GRHL2: variants seen among roughly 807,000 people sequenced by gnomAD.
GRHL2 encodes grainyhead-like protein 2 homolog.
In GRHL2, 21 loss-of-function variants were observed where a neutral mutation model predicts 83.8. The ratio of observed to expected loss-of-function variants is 0.25; its 90% CI spans 0.18 to 0.36. The LOEUF (loss-of-function observed/expected upper bound fraction) is 0.36, where lower values mean the gene tolerates loss of function less well. Ranked by LOEUF, GRHL2 falls within the 10% of genes least tolerant of loss-of-function variation. The pLI, the probability that GRHL2 is intolerant of heterozygous loss-of-function variation, is 1.00. For synonymous variants in GRHL2, 280 were observed against 278.9 expected (o/e 1.00, Z -0.04); for missense variants, 623 against 781.8 (o/e 0.80, Z 2.42).
intron 7 of GRHL2, among the ~76,000 whole-genome samples, chr8:101,588,766 C>T (rs560812287): frequency 1.3e-5 from 2 of 152,300 alleles, no homozygotes; most frequent in East Asian, 1.9e-4. Context: ...TGAAGTACAA[C>T]TATAAGTGTT....
At chr8:101,659,664 T>C (rs1449804924) in intron 14 of GRHL2, among the ~76,000 whole-genome samples, 1 of 152,186 alleles carries the variant, frequency 6.6e-6, no homozygotes, top group Non-Finnish European at 1.5e-5. Context: ...TTAATTTGCA[T>C]GTGCAAGTAT....
intron 7 of GRHL2, among the ~76,000 whole-genome samples, chr8:101,582,283 A>G (rs1443414501): frequency 6.6e-6 from 1 of 151,634 alleles, no homozygotes; most frequent in Non-Finnish European, 1.5e-5. Flanking sequence ...ATAAAGTCTG[A>G]TAACACTATT....
chr8:101,675,731 A>T, the GRHL2 span, among the ~76,000 whole-genome samples: 1 of 152,156 alleles, frequency 6.6e-6, no homozygotes, highest in Non-Finnish European at 1.5e-5. Flanking sequence ...TATGGAACCA[A>T]AAAAGAGCCC....
chr8:101,642,568 G>C (rs1813424072), intron 12 of GRHL2, among the ~76,000 whole-genome samples: 1 of 152,178 alleles, frequency 6.6e-6, no homozygotes, highest in South Asian at 2.1e-4. Flanking sequence ...AACGTGACCT[G>C]CTTTTACGAC....
chr8:101,558,996 G>A (rs892248261), intron 4 of GRHL2, among the ~76,000 whole-genome samples, 184 bp downstream of exon 4: 1 of 152,044 alleles, frequency 6.6e-6, no homozygotes, highest in Non-Finnish European at 1.5e-5. Flanking sequence ...TAAACCTGTC[G>A]ATGTGTATGT....
chr8:101,618,832 G>T lies in GRHL2; in HGVS notation c.1099-707G>T, dbSNP rs76133393. On this transcript the variant is annotated intron_variant, in intron 8 of 15. Transcript: ENST00000646743. The stretch of plus-strand genomic sequence containing the variant: ...AATGCAATAATGTGCAAAGGAAGGT[G>T]TTATCTGATTTTTTTTTTTATTCCA... 2.6e-3 allele frequency among the ~76,000 whole-genome samples: 398 copies of T among 152,066 alleles called. 1 individual carries two copies. The highest frequency in any genetic ancestry group is 9.1e-3 in the African/African-American group (379 of 41,488).
chr8:101,652,950 G>C (rs773817629), intron 14 of GRHL2, among the ~76,000 whole-genome samples: 6 of 152,110 alleles, frequency 3.9e-5, no homozygotes, highest in Admixed American at 2.0e-4. Context: ...CTGTCCAAAA[G>C]GCAGAATGTT....
intron 4 of GRHL2, among the ~76,000 whole-genome samples, chr8:101,567,082 C>T (rs548439344): frequency 7.2e-5 from 11 of 152,266 alleles, no homozygotes; most frequent in African/African-American, 1.9e-4. Flanking sequence ...GATTTCCCTA[C>T]AGTTAAAGAA....
At chr8:101,531,335 C>T (rs1202793707) in intron 1 of GRHL2, among the ~76,000 whole-genome samples, 1 of 151,922 alleles carries the variant, frequency 6.6e-6, no homozygotes, top group Non-Finnish European at 1.5e-5. Flanking sequence ...ATTTACTCAT[C>T]TGTATGAAGG....
At position 101,599,058 on chromosome 8, in the gene GRHL2, C is replaced by A; in HGVS notation, c.1005C>A (p.Ala335=). The change falls in exon 8 of 16, where the codon GCC becomes GCA. Residue 335 remains alanine (A), a splice_region_variant and synonymous_variant. Transcript: ENST00000646743. ...HTAKQRVLDI[A]DYKESFNTIG... ...CTTGTTCTTTTTTTAATGTTACAGC[C>A]GATTACAAGGAGAGCTTTAATACGA... 2.5e-6 allele frequency: 4 copies of A among 1,605,496 alleles called. No individual in the cohort carries two copies. The highest frequency in any genetic ancestry group is 1.1e-5 in the South Asian group (1 of 90,894).
intron 1 of GRHL2, among the ~76,000 whole-genome samples, chr8:101,516,709 A>G (rs1454511297): frequency 6.6e-6 from 1 of 152,042 alleles, no homozygotes; most frequent in Non-Finnish European, 1.5e-5. Flanking sequence ...ACCCGGACCT[A>G]TTACTTCTTG....
intron 14 of GRHL2, among the ~76,000 whole-genome samples, chr8:101,659,318 A>G (rs1308203128): frequency 6.6e-6 from 1 of 152,212 alleles, no homozygotes; most frequent in Non-Finnish European, 1.5e-5. Context: ...AAAATGCTAC[A>G]TTCCAGTTTG....
chr8:101,619,109 C>T (rs901674637), intron 8 of GRHL2, among the ~76,000 whole-genome samples: 2 of 152,014 alleles, frequency 1.3e-5, no homozygotes, highest in Non-Finnish European at 2.9e-5. Flanking sequence ...AAAAATTAGC[C>T]AGACGTGGTG....
chr8:101,606,449 G>A (rs1812636424), intron 8 of GRHL2, among the ~76,000 whole-genome samples: 1 of 152,226 alleles, frequency 6.6e-6, no homozygotes, highest in African/African-American at 2.4e-5. Context: ...AGAACTGAGA[G>A]CCAGTCTCAG....
At chr8:101,497,787 G>T (rs766498733) in intron 1 of GRHL2, among the ~76,000 whole-genome samples, 4 of 152,196 alleles carry the variant, frequency 2.6e-5, no homozygotes, top group Non-Finnish European at 4.4e-5. Context: ...AACTTTTCAG[G>T]TGTATATCCA....
chr8:101,515,601 G>T (rs1474045084), intron 1 of GRHL2, among the ~76,000 whole-genome samples: 1 of 152,164 alleles, frequency 6.6e-6, no homozygotes, highest in African/African-American at 2.4e-5. Flanking sequence ...TCACATGGAA[G>T]CCTTTCTCCC....
At chr8:101,648,015 T>C (rs1813547975) in intron 13 of GRHL2, among the ~76,000 whole-genome samples, 1 of 152,190 alleles carries the variant, frequency 6.6e-6, no homozygotes, top group South Asian at 2.1e-4. Flanking sequence ...TTTTGCCTTG[T>C]GCATTTTCCC....
At chr8:101,597,639 A>G (rs1342662991) in intron 7 of GRHL2, among the ~76,000 whole-genome samples, 1 of 141,964 alleles carries the variant, frequency 7.0e-6, no homozygotes, top group Non-Finnish European at 1.5e-5. Context: ...ATGAGAACAC[A>G]TGGACTCAGG....
Position 101,631,734 on chromosome 8 carries a change from A to G in GRHL2, c.1345+10A>G. The G allele has an allele frequency of 6.2e-7, 1 of 1,605,586 alleles. No individual in the cohort carries two copies. The highest frequency in any genetic ancestry group is 8.5e-7 in the Non-Finnish European group (1 of 1,172,384). ...ACTCAATGCAACAGCTGTGAGTTTC[A>G]CTGAGACTAATGTTGCTTTCTAAAG... On this transcript the variant is annotated intron_variant, in intron 10 of 15. Coordinates refer to ENST00000646743, the MANE Select transcript of GRHL2 (RefSeq NM_024915.4).
Sources: allele counts gnomAD v4.1 joint callset (sites outside exome capture counted in the v4.1 genomes callset), GRCh38; gene constraint gnomAD v4.1.1; transcripts MANE v1.5; gene names NCBI Gene and HGNC (gene_info 2026-07-23, HGNC 2026-07-21).